COL23A1: variants seen among roughly 807,000 people sequenced by gnomAD.
COL23A1 encodes collagen type XXIII alpha 1 chain.
In COL23A1, 97 loss-of-function variants were observed where a neutral mutation model predicts 99.3. The observed-to-expected ratio is 0.98, with a 90% CI of 0.83 to 1.16. The LOEUF is 1.16. COL23A1 is among the 50% of genes most tolerant of loss of function. The pLI, the probability that COL23A1 is intolerant of heterozygous loss-of-function variation, is 0.00. For missense variants in COL23A1, 762 were observed against 757.4 expected, an observed-to-expected ratio of 1.01 and a Z score of -0.07; for synonymous variants, 320 against 308.2, an observed-to-expected ratio of 1.04 and a Z score of -0.40.
intron 25 of COL23A1, among the ~76,000 whole-genome samples, chr5:178,243,199 A>G (rs1201425645): frequency 1.4e-5 from 2 of 144,150 alleles, no homozygotes; most frequent in Non-Finnish European, 3.0e-5. Context: ...CAAAAAACAA[A>G]CAAAGAGGCC....
rs1360749023 is a variant in COL23A1 at position 178,590,150 on chromosome 5, G to A, written c.48C>T (p.Gly16=). Residue 16 remains glycine, a synonymous_variant, in exon 1 of 29, where the codon GGC becomes GGT. Transcript: ENST00000390654. This position sits in a 1 kb window ranked among gnomAD's most constrained non-coding sequence, Gnocchi z 5.7. The stretch of plus-strand genomic sequence containing the variant: ...CTCCGCCGCCGCCGCCCGCCGCATT[G>A]CCCTTCCCCGCGTCGCCGCCGCCAC... ...RAGGGGDAGK[G]NAAGGGGGGR... is the part of the protein sequence containing the mutation. 7.3e-6 allele frequency: 9 copies of A among 1,228,334 alleles called. 1 individual carries two copies. The highest frequency in any genetic ancestry group is 8.1e-6 in the Non-Finnish European group (8 of 990,044). The allele number at this position is 1,228,334 out of a possible 1,614,324, so 76.1% of individuals were successfully genotyped here. A position where few individuals can be genotyped will look rare whatever the true frequency, so the allele number is the denominator to read the frequency against.
At chr5:178,588,233 G>A (rs1430023637) in intron 1 of COL23A1, among the ~76,000 whole-genome samples, 2 of 152,190 alleles carry the variant, frequency 1.3e-5, no homozygotes, top group Non-Finnish European at 2.9e-5. Flanking sequence ...GCCTGGGAGA[G>A]CAACTGCAGT....
chr5:178,368,406 G>C lies in COL23A1; in HGVS notation c.362-61487C>G, dbSNP rs113268986. Among the ~76,000 whole-genome samples, 449 of 152,274 alleles carry C rather than the reference G, an allele frequency of 2.9e-3. 2 individuals carry two copies. Among genetic ancestry groups the C allele is most frequent in the African/African-American group, 0.01 (417 of 41,556 alleles). ...CCCCATGATCAGCATCCCCACCAGA[G>C]GGTACGTCTGTCGGCTGATGAACCC... On this transcript the variant is annotated intron_variant, in intron 2 of 28. Coordinates refer to ENST00000390654, the MANE Select transcript of COL23A1 (RefSeq NM_173465.4).
At chr5:178,539,582 AG>A (rs199595272) in intron 2 of COL23A1, among the ~76,000 whole-genome samples, 2 of 150,578 alleles carry the variant, frequency 1.3e-5, no homozygotes, top group African/African-American at 2.4e-5. Context: ...AAAGAAAGAA[AG>A]GGAAAAAAAA....
At chr5:178,378,378 GCCT>G (rs1763195875) in intron 2 of COL23A1, among the ~76,000 whole-genome samples, 1 of 152,118 alleles carries the variant, frequency 6.6e-6, no homozygotes, top group African/African-American at 2.4e-5. Context: ...CAGCAAGTGG[GCCT>G]CCTCAAGCAG....
chr5:178,556,720 A>T (rs1039803960), intron 2 of COL23A1, among the ~76,000 whole-genome samples: 6 of 151,838 alleles, frequency 4.0e-5, no homozygotes, highest in Admixed American at 3.9e-4. Flanking sequence ...TGGGAGGCTG[A>T]GGCAGGTGGA....
At chr5:178,381,631 T>G (rs1436367814) in intron 2 of COL23A1, among the ~76,000 whole-genome samples, 1 of 152,166 alleles carries the variant, frequency 6.6e-6, no homozygotes, top group Non-Finnish European at 1.5e-5. Flanking sequence ...CAGAGGGTGA[T>G]CTGGCCTGGA....
At chr5:178,288,906 C>T (rs1581533350) in intron 4 of COL23A1, among the ~76,000 whole-genome samples, 2 of 152,294 alleles carry the variant, frequency 1.3e-5, no homozygotes, top group East Asian at 3.9e-4. Context: ...CCAGGTCAGA[C>T]CCTTCCAGGT....
intron 5 of COL23A1, among the ~76,000 whole-genome samples, chr5:178,276,095 C>T (rs1756570747): frequency 6.6e-6 from 1 of 152,180 alleles, no homozygotes; most frequent in African/African-American, 2.4e-5. Flanking sequence ...GAAGTACATT[C>T]GGGATGTGGA....
At chr5:178,500,155 C>A (rs943100753) in intron 2 of COL23A1, among the ~76,000 whole-genome samples, 38 of 152,126 alleles carry the variant, frequency 2.5e-4, no homozygotes, top group African/African-American at 8.9e-4. Context: ...CAGGAAGGAA[C>A]TTTTAGGGTG....
At chr5:178,356,193 C>T (rs548758200) in intron 2 of COL23A1, among the ~76,000 whole-genome samples, 119 of 152,132 alleles carry the variant, frequency 7.8e-4, no homozygotes, top group Admixed American at 5.9e-4. Flanking sequence ...GAGGAGTGGC[C>T]GCCTGGGGTT....
At chr5:178,454,230 C>T (rs947053202) in intron 2 of COL23A1, among the ~76,000 whole-genome samples, 3 of 151,424 alleles carry the variant, frequency 2.0e-5, no homozygotes, top group East Asian at 1.9e-4. Context: ...CAAAGCCAGG[C>T]GATGTTTGAG....
intron 2 of COL23A1, among the ~76,000 whole-genome samples, chr5:178,454,883 G>A (rs771081821): frequency 1.3e-5 from 2 of 152,248 alleles, no homozygotes; most frequent in South Asian, 2.1e-4. Context: ...TCTGGAGGCT[G>A]GAAGCCGGAG....
intron 2 of COL23A1, among the ~76,000 whole-genome samples, chr5:178,522,987 T>C (rs916105316): frequency 2.0e-5 from 3 of 151,464 alleles, no homozygotes; most frequent in Admixed American, 6.6e-5. Context: ...CAGCCTCCCA[T>C]CTATGTCCAG....
At chr5:178,563,489 G>A (rs1003504238) in intron 1 of COL23A1, among the ~76,000 whole-genome samples, 2 of 147,618 alleles carry the variant, frequency 1.4e-5, no homozygotes, top group African/African-American at 2.5e-5. Flanking sequence ...GGGGGCCCAC[G>A]CAAAAGCTGC....
chr5:178,511,557 T>C (rs1247256613), intron 2 of COL23A1, among the ~76,000 whole-genome samples: 2 of 152,236 alleles, frequency 1.3e-5, no homozygotes, highest in African/African-American at 4.8e-5. Flanking sequence ...ACTTTGCTCA[T>C]AGGGAATCTC....
chr5:178,500,435 AAAAAAAAAAAAT>A (rs1758462288), intron 2 of COL23A1, among the ~76,000 whole-genome samples: 1 of 150,720 alleles, frequency 6.6e-6, no homozygotes, highest in Admixed American at 6.6e-5. Context: ...AAAAAAAAAA[AAAAAAAAAAAAT>A]GGTTTTAATT....
At chr5:178,344,289 G>A (rs1760838382) in intron 2 of COL23A1, among the ~76,000 whole-genome samples, 1 of 152,208 alleles carries the variant, frequency 6.6e-6, no homozygotes, top group Non-Finnish European at 1.5e-5. Flanking sequence ...TAAATGCTAT[G>A]TAAACAGTTG....
intron 2 of COL23A1, among the ~76,000 whole-genome samples, chr5:178,431,341 C>A (rs1766253185): frequency 6.6e-6 from 1 of 152,158 alleles, no homozygotes; most frequent in African/African-American, 2.4e-5. Flanking sequence ...TGTTCTGGGA[C>A]ACAGCTGCCA....
Sources: allele counts gnomAD v4.1 joint callset (sites outside exome capture counted in the v4.1 genomes callset), GRCh38; gene constraint gnomAD v4.1.1; non-coding constraint Gnocchi (gnomAD v3.1); transcripts MANE v1.5; gene names NCBI Gene and HGNC (gene_info 2026-07-23, HGNC 2026-07-21).